Variants in PIEZO2 observed in about 807,000 individuals in gnomAD.
PIEZO2 encodes piezo-type mechanosensitive ion channel component 2.
PIEZO2 carries 172 observed loss-of-function variants against 337.3 expected under a neutral mutation model. The observed-to-expected ratio is 0.51, with a 90% CI of 0.45 to 0.58. The LOEUF (loss-of-function observed/expected upper bound fraction) is 0.58, where lower values mean the gene tolerates loss of function less well. Ranked by LOEUF, PIEZO2 falls within the 20% of genes least tolerant of loss-of-function variation. The pLI is 0.00. For missense variants in PIEZO2, 3,028 were observed against 3,391.3 expected, an observed-to-expected ratio of 0.89 and a Z score of 2.66; for synonymous variants, 1,251 against 1,228.5, an observed-to-expected ratio of 1.02 and a Z score of -0.38.
chr18:10,880,070 G>A (rs117732469), intron 4 of PIEZO2, among the ~76,000 whole-genome samples: 1,904 of 152,328 alleles, frequency 0.012, 16 homozygotes, highest in Non-Finnish European at 0.02. Context: ...TAAGCTTGGT[G>A]AAAGCTGGTT....
chr18:10,881,363 A>G (rs79604979), intron 4 of PIEZO2, among the ~76,000 whole-genome samples: 3,124 of 152,236 alleles, frequency 0.021, 108 homozygotes, highest in African/African-American at 0.07. Context: ...ACAGTGCTTT[A>G]TTCTCCTAAA....
rs115438065 is a variant in PIEZO2, at chr18:10,823,128, G to A, written c.918-15854C>T. Among the ~76,000 whole-genome samples, 527 of 152,322 alleles carry A rather than the reference G, an allele frequency of 3.5e-3. 5 individuals carry two copies. Among genetic ancestry groups the A allele is most frequent in the African/African-American group, 0.012 (498 of 41,578 alleles). The stretch of plus-strand genomic sequence containing the variant: ...TCCATTATAAGGTACCGAATAGGTA[G>A]AAGTAGAGAGCTTGAAAGAATTTGC... On this transcript the variant is annotated intron_variant, in intron 7 of 55. Transcript: ENST00000674853.
At chr18:10,849,748 C>T (rs1001294901) in intron 7 of PIEZO2, among the ~76,000 whole-genome samples, 22 of 152,204 alleles carry the variant, frequency 1.4e-4, no homozygotes, top group Admixed American at 3.9e-4. Flanking sequence ...ACTGAAATTC[C>T]CTATGAAAAT....
At position 10,704,374 on chromosome 18, in the gene PIEZO2, G is replaced by T. The variant is rs780015221; in HGVS notation, c.6258+20C>A. 6 of 1,535,666 alleles carry T rather than the reference G, an allele frequency of 3.9e-6. No homozygotes were observed. In the Admixed American group the frequency reaches 7.9e-5, roughly 20 times the overall value. Reference sequence around the variant, plus strand: ...CATAGCCGCCTGAAGCCATCCACAGGGGTCTGCGTCCAGGCCTACCTCAGT... The same window carrying T: ...CATAGCCGCCTGAAGCCATCCACAGTGGTCTGCGTCCAGGCCTACCTCAGT... On this transcript the variant is annotated intron_variant, in intron 42 of 55. Transcript: ENST00000674853.
chr18:10,715,365 G>A (rs1027624647), intron 38 of PIEZO2, among the ~76,000 whole-genome samples: 2 of 152,144 alleles, frequency 1.3e-5, no homozygotes, highest in African/African-American at 4.8e-5. Flanking sequence ...TAGGGATATA[G>A]AACAAGGCAA....
Position 10,800,448 on chromosome 18 carries a change from G to C in PIEZO2, c.1267C>G (p.Pro423Ala), listed in dbSNP as rs774164796. Residue 423 changes from proline (P) to alanine (A), a missense_variant, in exon 11 of 56, where the codon CCC becomes GCC. By Grantham distance (27) the Pro-to-Ala change is conservative. This residue lies in a region of PIEZO2 where 542 missense variants were observed against 605.6 expected (regional missense o/e 0.89). Transcript: ENST00000674853. ...DGLLVTVNGN[P>A]VDYHTIHPSL... ...GGGTGGATGGTGTGGTAATCCACGG[G>C]GTTGCCGTTCACAGTCACCAGCAGG... 2.0e-6 allele frequency: 3 copies of C among 1,535,012 alleles called. No individual in the cohort carries two copies. The highest frequency in any genetic ancestry group is 2.6e-6 in the Non-Finnish European group (3 of 1,146,020).
intron 4 of PIEZO2, among the ~76,000 whole-genome samples, chr18:10,898,167 G>T (rs969132045): frequency 6.6e-6 from 1 of 152,220 alleles, no homozygotes; most frequent in Non-Finnish European, 1.5e-5. Flanking sequence ...ACCTAAGAGA[G>T]ACTCTGTATA....
At position 10,956,985 on chromosome 18, in the gene PIEZO2, A is replaced by AAAC. The variant is rs531655665; in HGVS notation, c.286+22549_286+22550insGTT. Among the ~76,000 whole-genome samples, 1,064 of 147,310 alleles carry AAAC rather than the reference A, an allele frequency of 7.2e-3. 10 individuals carry two copies. Among genetic ancestry groups the AAAC allele is most frequent in the African/African-American group, 0.019 (759 of 39,784 alleles). ...ACTCCATCTCAAAAAAAAAAAAAAA[A>AAAC]AGAAATCATCCAGTGGAACAGGATA... On this transcript the variant is annotated intron_variant, in intron 3 of 55. Coordinates refer to ENST00000674853, the MANE Select transcript of PIEZO2 (RefSeq NM_001378183.1).
In PIEZO2 at chr18:10,758,079, C is replaced by T. The variant is rs183981260; in HGVS notation, c.3813G>A (p.Glu1271=). The change falls in exon 27 of 56, where the codon GAG becomes GAA. Residue 1271 remains glutamate (E), a synonymous_variant. Transcript: ENST00000674853. ...ASLQRQIFED[E]NKAAVRIMAG... is the part of the protein sequence containing the mutation. ...CCATGATTCGCACTGCAGCCTTGTT[C>T]TCATCCTCAAAAATCTGCCGTTGTA... 9.1e-6 allele frequency: 14 copies of T among 1,537,604 alleles called. No individual in the cohort carries two copies. The highest frequency in any genetic ancestry group is 1.2e-5 in the Non-Finnish European group (14 of 1,146,902).
rs1290932677 is a variant in PIEZO2, at chr18:10,953,286, T to A, written c.286+26249A>T. Reference sequence around the variant, plus strand: ...AGTTTTTTCTCTTATGAGTTGTGATTTTGATGTTGTATTTAAGAAAACTTT... The same window carrying A: ...AGTTTTTTCTCTTATGAGTTGTGATATTGATGTTGTATTTAAGAAAACTTT... On this transcript the variant is annotated intron_variant, in intron 3 of 55. Transcript: ENST00000674853. This position sits in a 1 kb window ranked among gnomAD's most constrained non-coding sequence, Gnocchi z 5.2. Among the ~76,000 whole-genome samples, 1 of 152,122 alleles carries A rather than the reference T, an allele frequency of 6.6e-6. No individual in the cohort carries two copies. The highest frequency in any genetic ancestry group is 2.4e-5 in the African/African-American group (1 of 41,456).
rs2037753405 is a variant in PIEZO2 at position 10,754,270 on chromosome 18, C to T, written c.3924-1391G>A. ...AGAGACTGAACCCTGGTGACAGGTA[C>T]TGTGGCTAAGGGGCCACCTAACTAT... On this transcript the variant is annotated intron_variant, in intron 27 of 55. Transcript: ENST00000674853. Among the ~76,000 whole-genome samples the T allele has an allele frequency of 2.0e-5, 3 of 152,264 alleles. 1 individual carries two copies. In the South Asian group the frequency reaches 6.2e-4, roughly 31 times the overall value.
Position 10,670,579 on chromosome 18 carries a change from G to A in PIEZO2, c.*948C>T, listed in dbSNP as rs2033727054. On this transcript the variant is annotated 3_prime_UTR_variant, in exon 56 of 56. Coordinates refer to ENST00000674853, the MANE Select transcript of PIEZO2 (RefSeq NM_001378183.1). ...AACTCTTTGATATACCTGAAAAACAGGAAGGAAAATGTCACATACTGGAAA... is the reference window on the plus strand; with the variant it reads ...AACTCTTTGATATACCTGAAAAACAAGAAGGAAAATGTCACATACTGGAAA... 1.3e-5 allele frequency: 2 copies of A among 152,190 alleles called. No homozygotes were observed. Among genetic ancestry groups the A allele is most frequent in the Admixed American group, 1.3e-4 (2 of 15,274 alleles). 9.4% of individuals were successfully genotyped at this position (152,190 alleles called of 1,614,324 possible). A position where few individuals can be genotyped will look rare whatever the true frequency, so the allele number is the denominator to read the frequency against.
intron 27 of PIEZO2, among the ~76,000 whole-genome samples, chr18:10,754,923 A>G (rs2865120): frequency 0.84 from 127,061 of 151,834 alleles, 53,710 homozygotes; most frequent in African/African-American, 0.96. Flanking sequence ...TCTCTACAAC[A>G]GGGATAACCG....
intron 7 of PIEZO2, among the ~76,000 whole-genome samples, chr18:10,849,313 C>A (rs1370561048): frequency 6.6e-6 from 1 of 152,186 alleles, no homozygotes. Flanking sequence ...CGCTTGGCCC[C>A]TCTCCCAATC....
At position 11,143,557 on chromosome 18, in the gene PIEZO2, T is replaced by C. The variant is rs1435821437; in HGVS notation, c.64+4968A>G. On this transcript the variant is annotated intron_variant, in intron 1 of 55. Coordinates refer to ENST00000674853, the MANE Select transcript of PIEZO2 (RefSeq NM_001378183.1). This position sits in a 1 kb window ranked among gnomAD's most constrained non-coding sequence, Gnocchi z 4.9. ...AAATGCAACTGCAGATTTGGAATATTGAGTAAAACTGGTGAGAAAAATCCT... is the reference window on the plus strand; with the variant it reads ...AAATGCAACTGCAGATTTGGAATATCGAGTAAAACTGGTGAGAAAAATCCT... Among the ~76,000 whole-genome samples the C allele has an allele frequency of 1.0e-4, 15 of 149,002 alleles. No individual in the cohort carries two copies.
At chr18:10,761,132 A>G in intron 23 of PIEZO2, 21 bp from the exon 24 acceptor site, 1 of 1,527,794 alleles carries the variant, frequency 6.5e-7, no homozygotes, top group Non-Finnish European at 8.8e-7. Flanking sequence ...AGGAAACACA[A>G]ATGTGTCAGC....
Position 10,691,277 on chromosome 18 carries a change from C to T in PIEZO2, c.7297G>A (p.Gly2433Arg). 1 of 1,614,032 alleles carries T rather than the reference C, an allele frequency of 6.2e-7. No individual in the cohort carries two copies. Among genetic ancestry groups the T allele is most frequent in the Non-Finnish European group, 8.5e-7 (1 of 1,180,012 alleles). The stretch of plus-strand genomic sequence containing the variant: ...TTGTAGCTCTTGGTGAGGAAGTTCC[C>T]CAGGACTCGCGTTGGGTAGCCACAA... ...IRCGYPTRVL[G>R]NFLTKSYNYV... Residue 2433 changes from glycine (G) to arginine (R), a missense_variant, in exon 48 of 56, where the codon GGG (glycine) becomes AGG (arginine). By Grantham distance (125) the Gly-to-Arg change is moderately radical. Around this residue, in one of 5 missense-constraint regions of PIEZO2, gnomAD observed 179 missense variants for 281.8 expected, o/e 0.64. Coordinates refer to ENST00000674853, the MANE Select transcript of PIEZO2 (RefSeq NM_001378183.1).
At chr18:10,742,752 T>A (rs1197935320) in intron 31 of PIEZO2, 137 bp from the exon 32 acceptor site, 2 of 904,046 alleles carry the variant, frequency 2.2e-6, no homozygotes, top group African/African-American at 3.4e-5. Flanking sequence ...AATTGTAAAA[T>A]GGTTGCTCAT....
chr18:11,043,249 A>T (rs1333469287), intron 2 of PIEZO2, among the ~76,000 whole-genome samples: 1 of 70,476 alleles, frequency 1.4e-5, no homozygotes, highest in African/African-American at 1.0e-4. Flanking sequence ...AAACGCACAC[A>T]CACACACACA....
Sources: allele counts gnomAD v4.1 joint callset (sites outside exome capture counted in the v4.1 genomes callset), GRCh38; gene constraint gnomAD v4.1.1; regional missense constraint gnomAD v4.1.1; non-coding constraint Gnocchi (gnomAD v3.1); transcripts MANE v1.5; gene names NCBI Gene and HGNC (gene_info 2026-07-23, HGNC 2026-07-21).